UAP1L1: variants seen among roughly 807,000 people sequenced by gnomAD.
UAP1L1 encodes UDP-N-acetylhexosamine pyrophosphorylase-like protein 1.
A neutral mutation model predicts 45.3 loss-of-function variants in UAP1L1; 45 were observed. That is an observed-to-expected ratio of 0.99 (90% CI 0.78 to 1.27). UAP1L1 has a LOEUF of 1.27. Among genes scored for constraint, UAP1L1 ranks in the 50% most tolerant of loss-of-function variants. The pLI is 0.00. For synonymous variants in UAP1L1, 323 were observed against 303.9 expected (o/e 1.06, Z -0.65); for missense variants, 667 against 694.0 (o/e 0.96, Z 0.44).
Position 137,082,002 on chromosome 9 carries a change from C to A in UAP1L1, c.1369C>A (p.Pro457Thr). ...TGACAAGTGGACTTTCCCTAGCTTGCCCCCAAATGGAGACCCTCCGGCCAT... is the reference window on the plus strand; with the variant it reads ...TGACAAGTGGACTTTCCCTAGCTTGACCCCAAATGGAGACCCTCCGGCCAT... ...GAWLPELPSL[P>T]PNGDPPAICE... The change falls in exon 8 of 9, where the codon CCC becomes ACC. Residue 457 changes from proline (P) to threonine (T), a missense_variant. Transcript: ENST00000409858. This position sits in a 1 kb window ranked among gnomAD's most constrained non-coding sequence, Gnocchi z 5.7. 2.5e-6 allele frequency: 4 copies of A among 1,613,936 alleles called. No homozygotes were observed. Among genetic ancestry groups the A allele is most frequent in the Non-Finnish European group, 1.7e-6 (2 of 1,179,940 alleles).
Position 137,079,403 on chromosome 9 carries a change from A to G in UAP1L1, c.991A>G (p.Ile331Val), listed in dbSNP as rs372761273. ...DGSLLYNAGN[I>V]CNHFFTRGFL... Reference sequence around the variant, plus strand: ...GAGCCTGCTGTACAATGCAGGCAACATCTGCAACCACTTCTTCACCCGAGG... The same window carrying G: ...GAGCCTGCTGTACAATGCAGGCAACGTCTGCAACCACTTCTTCACCCGAGG... The change falls in exon 5 of 9, where the codon ATC becomes GTC. Residue 331 changes from isoleucine to valine, a missense_variant. Ile to Val is a conservative substitution (Grantham distance 29). Transcript: ENST00000409858. 6.2e-7 allele frequency: 1 copy of G among 1,604,886 alleles called. No individual in the cohort carries two copies. Among genetic ancestry groups the G allele is most frequent in the Non-Finnish European group, 8.5e-7 (1 of 1,173,928 alleles).
At position 137,084,064 on chromosome 9, in the gene UAP1L1, T is replaced by C. The variant is rs1832830733; in HGVS notation, c.*1335T>C. The C allele has an allele frequency of 6.6e-6, 1 of 152,456 alleles. No individual in the cohort carries two copies. The highest frequency in any genetic ancestry group is 1.5e-5 in the Non-Finnish European group (1 of 68,184). 9.4% of individuals were successfully genotyped at this position (152,456 alleles called of 1,614,324 possible). On this transcript the variant is annotated 3_prime_UTR_variant, in exon 9 of 9. Coordinates refer to ENST00000409858, the MANE Select transcript of UAP1L1 (RefSeq NM_207309.3). ...CCAGAAGATGATGTTTACTTCTCTC[T>C]CCCTGGCTCTGCCCTTCTTACTGCA...
intron 5 of UAP1L1, 138 bp from the exon 6 acceptor site, chr9:137,079,864 C>G (rs1297875430): frequency 1.9e-6 from 2 of 1,026,064 alleles, no homozygotes; most frequent in African/African-American, 1.6e-5. Flanking sequence ...TGGCCCTACT[C>G]TGCCGCTTCT....
chr9:137,080,529 T>G, intron 6 of UAP1L1, 160 bp from the exon 7 acceptor site: 1 of 724,120 alleles, frequency 1.4e-6, no homozygotes, highest in Non-Finnish European at 2.3e-6. Context: ...CCCTGGCGTC[T>G]CAGGAGCAAA....
rs764117679 is a variant in UAP1L1 at position 137,080,040 on chromosome 9, A to G, written c.1076A>G (p.Lys359Arg). 4 of 1,614,110 alleles carry G rather than the reference A, an allele frequency of 2.5e-6. No homozygotes were observed. ...TTGCTGAAGCCACACGTGGCTGTGA[A>G]GAAGGTCCCGTATGTGGATGAGGAG... ...EPLLKPHVAV[K>R]KVPYVDEEGN... Residue 359 changes from lysine (K) to arginine (R), a missense_variant, in exon 6 of 9, where the codon AAG (lysine) becomes AGG (arginine). Transcript: ENST00000409858.
At chr9:137,081,117 C>T (rs1352143433) in intron 7 of UAP1L1, among the ~76,000 whole-genome samples, 2 of 152,202 alleles carry the variant, frequency 1.3e-5, no homozygotes, top group South Asian at 4.1e-4. Context: ...CAGGGGCTCC[C>T]CAACTCCCTC....
chr9:137,079,939 G>T, intron 5 of UAP1L1, 63 bp from the exon 6 acceptor site: 1 of 1,587,790 alleles, frequency 6.3e-7, no homozygotes, highest in South Asian at 1.1e-5. Context: ...AGTGGGGACA[G>T]AGCCCCCAGC....
chr9:137,078,456 C>T, intron 2 of UAP1L1, 46 bp from the exon 3 acceptor site: 1 of 1,611,318 alleles, frequency 6.2e-7, no homozygotes, highest in Non-Finnish European at 8.5e-7. Context: ...CGTCTGCCTG[C>T]AGGGCCAGGC....
chr9:137,078,719 G>A (rs758603794), intron 3 of UAP1L1, 42 bp downstream of exon 3: 81 of 1,578,112 alleles, frequency 5.1e-5, no homozygotes, highest in Middle Eastern at 1.7e-4. Context: ...GCCCAGACTA[G>A]AACTGGGAGC....
rs1348181800 is a variant in UAP1L1 at position 137,082,713 on chromosome 9, A to C, written c.1508A>C (p.Gln503Pro). Residue 503 changes from glutamine to proline, a missense_variant, in exon 9 of 9, where the codon CAG becomes CCG. By Grantham distance (76) the Gln-to-Pro change is moderately conservative. Transcript: ENST00000409858. The surrounding 1 kb of genome is among the most constrained non-coding windows in gnomAD (Gnocchi z 5.7). Reference protein sequence around the residue: ...ILDEDQAREPQLQES With the variant: ...ILDEDQAREPPLQES Reference sequence around the variant, plus strand: ...GATGAAGACCAGGCCAGGGAGCCGCAGCTGCAGGAGTCCTGACCCGCCCAG... The same window carrying C: ...GATGAAGACCAGGCCAGGGAGCCGCCGCTGCAGGAGTCCTGACCCGCCCAG... 6.5e-7 allele frequency: 1 copy of C among 1,550,024 alleles called. No individual in the cohort carries two copies. Among genetic ancestry groups the C allele is most frequent in the African/African-American group, 1.4e-5 (1 of 72,958 alleles).
rs1832722710 is a variant in UAP1L1 at position 137,078,134 on chromosome 9, A to C, written c.374A>C (p.Lys125Thr). The stretch of plus-strand genomic sequence containing the variant: ...ACTCGCCTGGGCGTGACCTACCCCA[A>C]GGGTATGTACCGTGTGGGGCTGCCC... ...QGTRLGVTYP[K>T]GMYRVGLPSR... Residue 125 changes from lysine (K) to threonine (T), a missense_variant, in exon 2 of 9, where the codon AAG (lysine) becomes ACG (threonine). Coordinates refer to ENST00000409858, the MANE Select transcript of UAP1L1 (RefSeq NM_207309.3). 4 of 1,550,106 alleles carry C rather than the reference A, an allele frequency of 2.6e-6. No individual in the cohort carries two copies.
intron 6 of UAP1L1, 158 bp downstream of exon 6, chr9:137,080,300 G>A (rs1411540116): frequency 2.7e-5 from 25 of 928,268 alleles, no homozygotes; most frequent in Non-Finnish European, 4.0e-5. Context: ...TGGCCCTGAG[G>A]GTAAGCAGCC....
chr9:137,079,875 G>C, intron 5 of UAP1L1, 127 bp from the exon 6 acceptor site: 1 of 1,138,858 alleles, frequency 8.8e-7, no homozygotes, highest in Non-Finnish European at 1.3e-6. Flanking sequence ...TGCCGCTTCT[G>C]TGCCCTGTAG....
chr9:137,077,850 G>A lies in UAP1L1; in HGVS notation c.289+29G>A. 1.4e-6 allele frequency: 2 copies of A among 1,428,886 alleles called. No homozygotes were observed. The highest frequency in any genetic ancestry group is 1.8e-6 in the Non-Finnish European group (2 of 1,096,242). 88.5% of individuals were successfully genotyped at this position (1,428,886 alleles called of 1,614,324 possible). A position where few individuals can be genotyped will look rare whatever the true frequency, so the allele number is the denominator to read the frequency against. On this transcript the variant is annotated intron_variant, in intron 1 of 8. Transcript: ENST00000409858. This position sits in a 1 kb window ranked among gnomAD's most constrained non-coding sequence, Gnocchi z 4.7. ...AGCGGGGTGGGAGGCCCTGGGGGCC[G>A]GCAGGGGGTCGTGCCCACGGAGCGG...
chr9:137,081,355 C>A (rs1054214882), intron 7 of UAP1L1, among the ~76,000 whole-genome samples: 6 of 151,302 alleles, frequency 4.0e-5, no homozygotes, highest in Non-Finnish European at 7.4e-5. Flanking sequence ...GCGCCCGCCA[C>A]CACGCCCGGC....
rs1192089804 is a variant in UAP1L1, at chr9:137,079,014, A to T, written c.709A>T (p.Lys237Ter). Reference sequence around the variant, plus strand: ...CCTCTACTGCGCGCTGGAGGACCACAAGATCCTGGAGGACATGGAGCGCCG... The same window carrying T: ...CCTCTACTGCGCGCTGGAGGACCACTAGATCCTGGAGGACATGGAGCGCCG... ...GGLYCALEDH[K>*]ILEDMERRGV... The change falls in exon 4 of 9, where the codon AAG (lysine) becomes TAG (stop). Residue 237 changes from lysine to a stop codon, truncating the protein, a stop_gained. Coordinates refer to ENST00000409858, the MANE Select transcript of UAP1L1 (RefSeq NM_207309.3). LOFTEE classifies it high-confidence loss of function. 4.4e-6 allele frequency: 7 copies of T among 1,602,458 alleles called. No individual in the cohort carries two copies.
chr9:137,080,148 T>C lies in UAP1L1; in HGVS notation c.1178+6T>C, dbSNP rs145375606. 14 of 1,613,744 alleles carry C rather than the reference T, an allele frequency of 8.7e-6. No homozygotes were observed. In the African/African-American group the frequency reaches 1.7e-4, roughly 20 times the overall value. On this transcript the variant is annotated splice_donor_region_variant and intron_variant, in intron 6 of 8. Coordinates refer to ENST00000409858, the MANE Select transcript of UAP1L1 (RefSeq NM_207309.3). The stretch of plus-strand genomic sequence containing the variant: ...GATGTGTTCCGGTTTGCTAAGTTAG[T>C]AGTAGAACTCATTTATTTTCCCCTT...
At chr9:137,079,580 G>A in intron 5 of UAP1L1, 131 bp downstream of exon 5, 6 of 845,520 alleles carry the variant, frequency 7.1e-6, no homozygotes, top group South Asian at 1.7e-5. Context: ...GGTCAGGCAC[G>A]GCTGATGGGT....
At chr9:137,080,491 C>T (rs1832772932) in intron 6 of UAP1L1, 198 bp from the exon 7 acceptor site, 1 of 628,590 alleles carries the variant, frequency 1.6e-6, no homozygotes, top group Non-Finnish European at 2.7e-6. Flanking sequence ...CCTTCGGCTG[C>T]TGGAAATGGC....
Sources: allele counts gnomAD v4.1 joint callset (sites outside exome capture counted in the v4.1 genomes callset), GRCh38; gene constraint gnomAD v4.1.1; non-coding constraint Gnocchi (gnomAD v3.1); transcripts MANE v1.5; gene names NCBI Gene and HGNC (gene_info 2026-07-23, HGNC 2026-07-21).